ABCD3: variants seen among roughly 807,000 people sequenced by gnomAD.
The protein encoded by ABCD3 is ATP binding cassette subfamily D member 3.
In ABCD3, 41 loss-of-function variants were observed where a neutral mutation model predicts 105.5. The observed-to-expected ratio is 0.39, with a 90% confidence interval of 0.30 to 0.50. The LOEUF (loss-of-function observed/expected upper bound fraction) is 0.50. Ranked by LOEUF, ABCD3 falls within the 20% of genes least tolerant of loss-of-function variation. ABCD3 has a pLI of 0.84. For missense variants in ABCD3, 622 were observed against 806.3 expected, an observed-to-expected ratio of 0.77 and a Z score of 2.77; for synonymous variants, 258 against 269.0, an observed-to-expected ratio of 0.96 and a Z score of 0.40.
At chr1:94,393,174 A>G in the ABCD3 span, among the ~76,000 whole-genome samples, 1 of 152,162 alleles carries the variant, frequency 6.6e-6, no homozygotes, top group Non-Finnish European at 1.5e-5. Flanking sequence ...AGATGGTTGT[A>G]ATGAGTCCTT....
the ABCD3 span, among the ~76,000 whole-genome samples, chr1:94,389,627 T>C: frequency 1.3e-5 from 2 of 152,338 alleles, no homozygotes; most frequent in African/African-American, 4.8e-5. Context: ...GGTAAATCTC[T>C]GTTCCGGCCT....
chr1:94,420,836 A>G (rs1231665957), intron 1 of ABCD3, among the ~76,000 whole-genome samples: 2 of 152,154 alleles, frequency 1.3e-5, no homozygotes, highest in South Asian at 2.1e-4. Flanking sequence ...CTGGTGCTTA[A>G]TTAAGGAAAC....
the ABCD3 span, among the ~76,000 whole-genome samples, chr1:94,404,685 C>T: frequency 2.6e-5 from 4 of 151,976 alleles, no homozygotes; most frequent in South Asian, 8.3e-4. Flanking sequence ...TCATTGTTAT[C>T]TGATTTTTCA....
chr1:94,418,872 T>A (rs1246997114), intron 1 of ABCD3: 2 of 503,400 alleles, frequency 4.0e-6, no homozygotes, highest in Non-Finnish European at 7.1e-6. Flanking sequence ...GGCAGCGGCC[T>A]CCAGTTGGGG....
chr1:94,514,835 A>C, intron 21 of ABCD3: 1 of 298,644 alleles, frequency 3.3e-6, no homozygotes, highest in East Asian at 7.1e-5. Flanking sequence ...ACCTTTGGCT[A>C]TTTTTATCCT....
chr1:94,456,526 C>T lies in ABCD3; in HGVS notation c.111-2081C>T, dbSNP rs1258368236. Among the ~76,000 whole-genome samples the T allele has an allele frequency of 3.3e-5, 5 of 151,672 alleles. No individual in the cohort carries two copies. The South Asian group carries it at 8.3e-4, about 25-fold the overall frequency. On this transcript the variant is annotated intron_variant, in intron 1 of 22. Coordinates refer to ENST00000370214, the MANE Select transcript of ABCD3 (RefSeq NM_002858.4). ...CTCCTGAGCTCAGTCAGTCCTCCCG[C>T]CTCGGGCTTCCAAAGTGCTAGGATT... is the stretch of plus-strand genomic sequence containing the variant.
chr1:94,456,244 C>G (rs1050286214), intron 1 of ABCD3, among the ~76,000 whole-genome samples: 2 of 128,786 alleles, frequency 1.6e-5, no homozygotes, highest in South Asian at 5.2e-4. Flanking sequence ...CATGTTGTTG[C>G]AAATGACAGA....
At chr1:94,467,443 T>C (rs553192017) in intron 3 of ABCD3, among the ~76,000 whole-genome samples, 49 of 152,364 alleles carry the variant, frequency 3.2e-4, no homozygotes, top group African/African-American at 1.1e-3. Context: ...GACACTATTA[T>C]AAATTTTTCT....
intron 1 of ABCD3, among the ~76,000 whole-genome samples, chr1:94,427,911 C>A (rs932752953): frequency 2.6e-5 from 4 of 152,094 alleles, no homozygotes; most frequent in African/African-American, 9.7e-5. Context: ...AAGAGTAAGT[C>A]ACTTTTGTTT....
intron 9 of ABCD3, chr1:94,482,930 A>C (rs1180646714): frequency 2.0e-6 from 1 of 497,426 alleles, no homozygotes; most frequent in Non-Finnish European, 3.6e-6. Flanking sequence ...CAGCCAGGAT[A>C]CCTATGCCAT....
rs1265804420 is a variant in ABCD3, at chr1:94,426,871, TA to T, written c.110+8286del. 3.3e-3 allele frequency among the ~76,000 whole-genome samples: 344 copies of T among 104,544 alleles called. 4 individuals are homozygous for T. Among genetic ancestry groups the T allele is most frequent in the African/African-American group, 0.011 (321 of 29,470 alleles). 68.6% of individuals were successfully genotyped at this position (104,544 alleles called of 152,430 possible). A position where few individuals can be genotyped will look rare whatever the true frequency, so the allele number is the denominator to read the frequency against. On this transcript the variant is annotated intron_variant, in intron 1 of 22. Coordinates refer to ENST00000370214, the MANE Select transcript of ABCD3 (RefSeq NM_002858.4). ...GAATTTTTTTTTTTTTTTTTTTTTT[TA>T]AACCTGGGTGCAGGTCTTTATACTT...
chr1:94,477,603 G>A (rs984899511), intron 7 of ABCD3, among the ~76,000 whole-genome samples: 1 of 151,980 alleles, frequency 6.6e-6, no homozygotes, highest in Non-Finnish European at 1.5e-5. Context: ...TGCAAGCAGT[G>A]GCTGTTGACT....
chr1:94,461,446 T>G (rs932846209), intron 2 of ABCD3, among the ~76,000 whole-genome samples: 6 of 146,460 alleles, frequency 4.1e-5, no homozygotes, highest in African/African-American at 1.5e-4. Context: ...CATGCATATT[T>G]TTGTATTTTG....
At chr1:94,469,276 A>AATTAGCTCTTTTACAC (rs1648321658) in intron 4 of ABCD3, among the ~76,000 whole-genome samples, 11 of 152,122 alleles carry the variant, frequency 7.2e-5, no homozygotes, top group Admixed American at 7.2e-4. Flanking sequence ...GGAAGGTGAG[A>AATTAGCTCTTTTACAC]ATTAGCTCTT....
At chr1:94,405,349 C>A in the ABCD3 span, among the ~76,000 whole-genome samples, 6 of 146,616 alleles carry the variant, frequency 4.1e-5, no homozygotes, top group South Asian at 4.3e-4. Flanking sequence ...TCACTCTTGT[C>A]GCCAAGGCTG....
chr1:94,435,375 ATAAAAAG>A (rs1264187021), intron 1 of ABCD3, among the ~76,000 whole-genome samples: 3 of 152,160 alleles, frequency 2.0e-5, no homozygotes, highest in Non-Finnish European at 4.4e-5. Context: ...CCCTGTGTCT[ATAAAAAG>A]TAAAAAACAT....
upstream of ABCD3, among the ~76,000 whole-genome samples, chr1:94,417,207 C>A (rs1285850490): frequency 6.6e-6 from 1 of 152,146 alleles, no homozygotes; most frequent in Non-Finnish European, 1.5e-5. Flanking sequence ...TTCAGTTCTG[C>A]ATAATTTAGA....
chr1:94,471,165 G>A (rs1448534064), intron 4 of ABCD3, among the ~76,000 whole-genome samples: 1 of 152,044 alleles, frequency 6.6e-6, no homozygotes, highest in African/African-American at 2.4e-5. Context: ...ATTTAATTAT[G>A]AAATTTTAAA....
intron 1 of ABCD3, among the ~76,000 whole-genome samples, chr1:94,434,986 T>A (rs536865952): frequency 8.9e-4 from 135 of 152,242 alleles, no homozygotes; most frequent in African/African-American, 2.8e-3. Flanking sequence ...GTTTTTTTTT[T>A]ATCTATGTCT....
Sources: gnomAD v4.1 joint callset for allele counts (sites outside exome capture counted in the v4.1 genomes callset) on GRCh38, gnomAD v4.1.1 for gene constraint, MANE v1.5 for transcripts, NCBI Gene and HGNC (gene_info 2026-07-23, HGNC 2026-07-21) for gene names.